Variants in NTM observed in about 807,000 individuals in gnomAD.
NTM encodes the protein neurotrimin.
A neutral mutation model predicts 42.1 loss-of-function variants in NTM; 13 were observed. The observed-to-expected ratio is 0.31, with a 90% CI of 0.20 to 0.49. The LOEUF is 0.49. Among genes scored for constraint, NTM ranks in the 20% least tolerant of loss-of-function variants. The probability of loss-of-function intolerance (pLI) is 0.99; values close to 1 mark genes in which losing one functional copy is unlikely to be tolerated. For synonymous variants in NTM, 187 were observed against 179.2 expected (o/e 1.04, Z -0.35); for missense variants, 373 against 452.8 (o/e 0.82, Z 1.60).
intron 1 of NTM, among the ~76,000 whole-genome samples, chr11:131,555,853 G>A (rs1345628839): frequency 2.6e-5 from 4 of 152,130 alleles, no homozygotes; most frequent in Admixed American, 2.0e-4. Context: ...AACTGACTGA[G>A]TAGAGACATC....
At chr11:131,453,850 C>A (rs567117989) in intron 1 of NTM, among the ~76,000 whole-genome samples, 1 of 152,138 alleles carries the variant, frequency 6.6e-6, no homozygotes. Flanking sequence ...CCAGCAGGCT[C>A]GGGGAAGGAG....
chr11:131,803,601 C>T (rs1010947921), intron 1 of NTM, among the ~76,000 whole-genome samples: 3 of 152,204 alleles, frequency 2.0e-5, no homozygotes, highest in East Asian at 1.9e-4. Context: ...TAAGCCACTG[C>T]GCCCGGCCAT....
At chr11:131,837,406 G>T (rs1181809747) in intron 1 of NTM, among the ~76,000 whole-genome samples, 4 of 152,144 alleles carry the variant, frequency 2.6e-5, no homozygotes, top group African/African-American at 9.7e-5. Context: ...GATAGACTGT[G>T]GCCTGCTGGA....
At chr11:131,617,771 C>A (rs2062089432) in intron 1 of NTM, among the ~76,000 whole-genome samples, 1 of 152,158 alleles carries the variant, frequency 6.6e-6, no homozygotes, top group African/African-American at 2.4e-5. Context: ...AGTTCTTTCC[C>A]CTGGGGTTTT....
At chr11:131,466,514 C>A (rs975523041) in intron 1 of NTM, among the ~76,000 whole-genome samples, 1 of 152,214 alleles carries the variant, frequency 6.6e-6, no homozygotes, top group African/African-American at 2.4e-5. Flanking sequence ...GCTCTTGGAA[C>A]TAACCCCTCC....
At chr11:132,311,253 G>A (rs888007395) in intron 6 of NTM, among the ~76,000 whole-genome samples, 4 of 152,142 alleles carry the variant, frequency 2.6e-5, no homozygotes, top group South Asian at 2.1e-4. Context: ...TCTCTAGATC[G>A]AAAATTGAAT....
chr11:132,224,696 T>G (rs2085851009), intron 4 of NTM, among the ~76,000 whole-genome samples: 1 of 152,078 alleles, frequency 6.6e-6, no homozygotes, highest in African/African-American at 2.4e-5. Flanking sequence ...AGAAGACCAA[T>G]CTTCAGGAAG....
At chr11:132,226,374 G>T (rs916894957) in intron 4 of NTM, among the ~76,000 whole-genome samples, 9 of 152,130 alleles carry the variant, frequency 5.9e-5, no homozygotes, top group African/African-American at 2.2e-4. Flanking sequence ...AGCATCTGTT[G>T]TTTCCTGACT....
At chr11:132,268,485 G>T (rs2139650731) in intron 4 of NTM, among the ~76,000 whole-genome samples, 1 of 152,186 alleles carries the variant, frequency 6.6e-6, no homozygotes, top group East Asian at 1.9e-4. Context: ...TGTTTTAGAA[G>T]TTTGGCATAC....
intron 2 of NTM, among the ~76,000 whole-genome samples, chr11:132,100,612 C>G (rs1159527947): frequency 6.6e-6 from 1 of 152,186 alleles, no homozygotes; most frequent in Non-Finnish European, 1.5e-5. Context: ...CACAAACTTA[C>G]TCGAATGGCC....
chr11:131,545,059 G>C (rs2053752146), intron 1 of NTM, among the ~76,000 whole-genome samples: 1 of 152,074 alleles, frequency 6.6e-6, no homozygotes, highest in African/African-American at 2.4e-5. Flanking sequence ...TTCTATCACT[G>C]TCACTGCAAT....
At chr11:132,190,742 A>AG (rs1046214416) in intron 3 of NTM, among the ~76,000 whole-genome samples, 3 of 151,606 alleles carry the variant, frequency 2.0e-5, no homozygotes, top group Non-Finnish European at 4.4e-5. Flanking sequence ...ATCTTAAAAA[A>AG]AAAAAAAAAA....
chr11:131,770,241 C>T (rs184962159), intron 1 of NTM, among the ~76,000 whole-genome samples: 7 of 152,332 alleles, frequency 4.6e-5, no homozygotes, highest in Admixed American at 6.5e-5. Flanking sequence ...CAGAAGTCCC[C>T]GCTGAGCAGC....
intron 1 of NTM, among the ~76,000 whole-genome samples, chr11:131,857,576 G>T (rs895827628): frequency 6.6e-6 from 1 of 152,016 alleles, no homozygotes; most frequent in Non-Finnish European, 1.5e-5. Context: ...CTTTTCCTGG[G>T]GATAGGAACC....
intron 4 of NTM, among the ~76,000 whole-genome samples, chr11:132,226,703 G>A (rs1288645313): frequency 1.3e-5 from 2 of 152,158 alleles, no homozygotes. Context: ...TTAGAATACT[G>A]TTGATTTCGT....
intron 4 of NTM, among the ~76,000 whole-genome samples, chr11:132,214,475 T>C (rs2083450618): frequency 6.6e-6 from 1 of 152,168 alleles, no homozygotes. Flanking sequence ...GTCTCCTTTT[T>C]GTCCTGCCAT....
chr11:131,881,510 C>CACACACACACACACA (rs67919649), intron 1 of NTM, among the ~76,000 whole-genome samples: 33 of 145,318 alleles, frequency 2.3e-4, no homozygotes, highest in East Asian at 1.0e-3. Flanking sequence ...ACACACACAC[C>CACACACACACACACA]CCCCAAAGCT....
intron 1 of NTM, among the ~76,000 whole-genome samples, chr11:131,570,708 A>G (rs965694950): frequency 4.6e-5 from 7 of 152,218 alleles, no homozygotes; most frequent in African/African-American, 1.7e-4. Context: ...CAGTAGTCCC[A>G]GCCACGCAGG....
At chr11:131,479,484 G>A (rs1378122205) in intron 1 of NTM, among the ~76,000 whole-genome samples, 2 of 152,148 alleles carry the variant, frequency 1.3e-5, no homozygotes, top group African/African-American at 4.8e-5. Flanking sequence ...AGATTGCAGA[G>A]GCAAACTAAG....
Sources: allele counts gnomAD v4.1 joint callset (sites outside exome capture counted in the v4.1 genomes callset), GRCh38; gene constraint gnomAD v4.1.1; transcripts MANE v1.5; gene names NCBI Gene and HGNC (gene_info 2026-07-23, HGNC 2026-07-21).